The following SPOCK3 variants were observed in gnomAD, a reference collection of about 807,000 sequenced individuals.
The protein encoded by SPOCK3 is testican-3.
In SPOCK3, 30 loss-of-function variants were observed where a neutral mutation model predicts 56.6. That is an observed-to-expected ratio of 0.53 (90% CI 0.40 to 0.72). The LOEUF (loss-of-function observed/expected upper bound fraction) is 0.72. Ranked by LOEUF, SPOCK3 falls within the 30% of genes least tolerant of loss-of-function variation. The pLI is 0.00. For missense variants in SPOCK3, 527 were observed against 530.0 expected, an observed-to-expected ratio of 0.99 and a Z score of 0.06; for synonymous variants, 196 against 183.3, an observed-to-expected ratio of 1.07 and a Z score of -0.56.
At chr4:166,950,048 T>G (rs1742339982) in intron 4 of SPOCK3, among the ~76,000 whole-genome samples, 1 of 150,016 alleles carries the variant, frequency 6.7e-6, no homozygotes, top group Non-Finnish European at 1.5e-5. Flanking sequence ...AATAACCAGC[T>G]AACTTCATAA....
chr4:166,828,226 G>C (rs961193355), intron 6 of SPOCK3, among the ~76,000 whole-genome samples: 1 of 151,660 alleles, frequency 6.6e-6, no homozygotes, highest in Non-Finnish European at 1.5e-5. Context: ...CTTATAAATG[G>C]AAAAATATAG....
intron 3 of SPOCK3, among the ~76,000 whole-genome samples, chr4:167,025,124 G>C (rs1397803095): frequency 6.6e-6 from 1 of 151,568 alleles, no homozygotes; most frequent in Non-Finnish European, 1.5e-5. Context: ...AAATATCTTC[G>C]TCCTTCTGGT....
intron 4 of SPOCK3, among the ~76,000 whole-genome samples, chr4:166,993,206 C>T (rs565391635): frequency 4.6e-5 from 7 of 152,284 alleles, no homozygotes; most frequent in Admixed American, 2.6e-4. Context: ...AGGGTTCCTG[C>T]TAAGCAGAAG....
rs190431809 is a variant in SPOCK3 at position 166,923,137 on chromosome 4, T to C, written c.351-10394A>G. ...TGTGCTTGCTTCTTCCAGTTTCTGG[T>C]AGCTATTGACATTTCTTGGCTTATG... On this transcript the variant is annotated intron_variant, in intron 4 of 10. Transcript: ENST00000357545. Among the ~76,000 whole-genome samples, 6 of 152,348 alleles carry C rather than the reference T, an allele frequency of 3.9e-5. No homozygotes were observed. In the East Asian group the frequency reaches 9.6e-4, roughly 24 times the overall value.
intron 6 of SPOCK3, among the ~76,000 whole-genome samples, chr4:166,860,815 A>ATATATATATATG (rs1182314094): frequency 1.4e-5 from 2 of 144,634 alleles, no homozygotes; most frequent in African/African-American, 5.1e-5. Flanking sequence ...ATATATATAT[A>ATATATATATATG]TGTATATATA....
At chr4:166,826,552 T>G (rs1462668662) in intron 6 of SPOCK3, among the ~76,000 whole-genome samples, 1 of 152,116 alleles carries the variant, frequency 6.6e-6, no homozygotes, top group East Asian at 1.9e-4. Context: ...TGGCTAACAT[T>G]TTTGTGGAGA....
chr4:167,142,172 G>C (rs1200238349), intron 2 of SPOCK3, among the ~76,000 whole-genome samples: 3 of 151,882 alleles, frequency 2.0e-5, no homozygotes, highest in African/African-American at 7.2e-5. Context: ...CTCTTCTTCA[G>C]GGGACTGCTG....
At chr4:167,092,800 A>G (rs1758816312) in intron 2 of SPOCK3, among the ~76,000 whole-genome samples, 1 of 152,166 alleles carries the variant, frequency 6.6e-6, no homozygotes, top group Non-Finnish European at 1.5e-5. Flanking sequence ...CAAAGGCTTG[A>G]ATGAAAAATT....
Position 166,734,885 on chromosome 4 carries a change from A to G in SPOCK3, c.*36T>C. On this transcript the variant is annotated 3_prime_UTR_variant, in exon 11 of 11. Transcript: ENST00000357545. ...ATAGGCTATCATTTTTGTAAATATT[A>G]GAAATGTAGAATTTATTGATTTCAA... is the stretch of plus-strand genomic sequence containing the variant. 7.0e-7 allele frequency: 1 copy of G among 1,434,288 alleles called. No individual in the cohort carries two copies. The highest frequency in any genetic ancestry group is 9.4e-7 in the Non-Finnish European group (1 of 1,060,382). 88.8% of individuals were successfully genotyped at this position (1,434,288 alleles called of 1,614,324 possible).
chr4:166,804,567 A>G (rs1222044213), intron 6 of SPOCK3, among the ~76,000 whole-genome samples: 1 of 152,172 alleles, frequency 6.6e-6, no homozygotes, highest in Non-Finnish European at 1.5e-5. Flanking sequence ...TGTGAACATT[A>G]AGAAGCTCTT....
intron 4 of SPOCK3, among the ~76,000 whole-genome samples, chr4:166,963,943 A>T (rs556301836): frequency 6.6e-6 from 1 of 151,966 alleles, no homozygotes; most frequent in Non-Finnish European, 1.5e-5. Context: ...AGTCATAATT[A>T]TAGTCTCAGG....
At chr4:166,917,534 A>G (rs1248147457) in intron 4 of SPOCK3, among the ~76,000 whole-genome samples, 3 of 152,154 alleles carry the variant, frequency 2.0e-5, no homozygotes, top group Non-Finnish European at 2.9e-5. Flanking sequence ...TGACTTTCAG[A>G]GAATTATTTT....
At chr4:166,871,438 A>G (rs1732461422) in intron 6 of SPOCK3, among the ~76,000 whole-genome samples, 1 of 152,148 alleles carries the variant, frequency 6.6e-6, no homozygotes, top group Admixed American at 6.6e-5. Context: ...CTATATGCTC[A>G]TAAATTTGAT....
intron 3 of SPOCK3, among the ~76,000 whole-genome samples, chr4:167,027,990 A>C (rs151308272): frequency 6.6e-6 from 1 of 152,032 alleles, no homozygotes; most frequent in African/African-American, 2.4e-5. Context: ...TGTGATCACC[A>C]CATGTTTGAA....
In SPOCK3 at chr4:166,774,844, C is replaced by A. The variant is rs191494469; in HGVS notation, c.709+17326G>T. 6.1e-4 allele frequency among the ~76,000 whole-genome samples: 93 copies of A among 152,292 alleles called. 1 individual carries two copies. Among genetic ancestry groups the A allele is most frequent in the Non-Finnish European group, 1.2e-3 (79 of 68,020 alleles). On this transcript the variant is annotated intron_variant, in intron 7 of 10. Transcript: ENST00000357545. ...CATAGCATAGCTCTTTCCAAAGAAA[C>A]CTTCTTCACAAATTCTGTTGCCACC...
chr4:166,936,314 CAATT>C (rs1290358624), intron 4 of SPOCK3, among the ~76,000 whole-genome samples: 5 of 152,072 alleles, frequency 3.3e-5, no homozygotes, highest in South Asian at 4.1e-4. Flanking sequence ...TAATTAATCA[CAATT>C]AATTTTTAAA....
chr4:167,201,209 A>C (rs1046414585), intron 2 of SPOCK3, among the ~76,000 whole-genome samples: 1 of 152,052 alleles, frequency 6.6e-6, no homozygotes, highest in African/African-American at 2.4e-5. Context: ...AAATTTGAAA[A>C]TCAAAGCTAT....
intron 3 of SPOCK3, among the ~76,000 whole-genome samples, chr4:167,016,376 T>C (rs1328487130): frequency 6.6e-6 from 1 of 152,074 alleles, no homozygotes; most frequent in African/African-American, 2.4e-5. Flanking sequence ...AAAATGCTGC[T>C]ATATATTTTT....
At chr4:166,766,279 A>T (rs1315828786) in intron 7 of SPOCK3, among the ~76,000 whole-genome samples, 1 of 152,184 alleles carries the variant, frequency 6.6e-6, no homozygotes, top group Non-Finnish European at 1.5e-5. Context: ...TTTCAAAGGG[A>T]ATGCTTCCAG....
Sources: allele counts gnomAD v4.1 joint callset (sites outside exome capture counted in the v4.1 genomes callset), GRCh38; gene constraint gnomAD v4.1.1; transcripts MANE v1.5; gene names NCBI Gene and HGNC (gene_info 2026-07-23, HGNC 2026-07-21).